RUNX3: variants seen among roughly 807,000 people sequenced by gnomAD.
The protein encoded by RUNX3 is RUNX family transcription factor 3, also known as runt-related transcription factor 3.
RUNX3 carries 10 observed loss-of-function variants against 27.7 expected under a neutral mutation model. The observed-to-expected ratio is 0.36, with a 90% CI of 0.22 to 0.61. RUNX3 has a LOEUF of 0.61. Among genes scored for constraint, RUNX3 ranks in the 20% least tolerant of loss-of-function variants. The pLI is 0.72. For missense variants in RUNX3, 469 were observed against 629.5 expected (o/e 0.75, Z 2.73); for synonymous variants, 270 against 269.2 (o/e 1.00, Z -0.03).
At chr1:24,960,867 T>C (rs1412391835) in intron 2 of RUNX3, among the ~76,000 whole-genome samples, 2 of 152,138 alleles carry the variant, frequency 1.3e-5, no homozygotes, top group Non-Finnish European at 2.9e-5. Context: ...TCACAGCTCT[T>C]AGGTCTCAGC....
At chr1:24,945,066 G>C (rs1349421397) in intron 2 of RUNX3, among the ~76,000 whole-genome samples, 1 of 152,310 alleles carries the variant, frequency 6.6e-6, no homozygotes, top group African/African-American at 2.4e-5. Flanking sequence ...CTCACAGAAG[G>C]TCAGCTGCAG....
At chr1:24,912,201 C>T (rs539507461) in intron 3 of RUNX3, among the ~76,000 whole-genome samples, 75 of 152,358 alleles carry the variant, frequency 4.9e-4, no homozygotes, top group Non-Finnish European at 8.1e-4. Context: ...AGTCCTGCTA[C>T]GCCTCAGTTT....
upstream of RUNX3, among the ~76,000 whole-genome samples, chr1:24,932,488 C>T (rs554758638): frequency 1.5e-4 from 23 of 152,266 alleles, no homozygotes; most frequent in African/African-American, 4.8e-4. Context: ...GCTGCGGCCC[C>T]GGGTGCAGGC....
chr1:24,964,738 C>T, intron 1 of RUNX3: 1 of 1,451,844 alleles, frequency 6.9e-7, no homozygotes, highest in Non-Finnish European at 9.1e-7. Context: ...CTTTTTTCCC[C>T]CCTGCTGCTA....
intron 2 of RUNX3, among the ~76,000 whole-genome samples, chr1:24,920,002 T>C (rs1445321645): frequency 1.3e-5 from 2 of 152,202 alleles, no homozygotes; most frequent in Non-Finnish European, 2.9e-5. Flanking sequence ...CATCTTTTAT[T>C]TATCTACCTC....
chr1:24,952,490 A>G (rs1211158461), intron 2 of RUNX3, among the ~76,000 whole-genome samples: 1 of 152,254 alleles, frequency 6.6e-6, no homozygotes, highest in African/African-American at 2.4e-5. Flanking sequence ...GTTTGACCAC[A>G]GAGTTCCATT....
At chr1:24,949,662 G>A (rs1641708365) in intron 2 of RUNX3, among the ~76,000 whole-genome samples, 1 of 152,250 alleles carries the variant, frequency 6.6e-6, no homozygotes, top group Non-Finnish European at 1.5e-5. Context: ...CATTCCCCGT[G>A]ATGTGTGTGA....
At chr1:24,933,749 C>A (rs1641284856), upstream of RUNX3, among the ~76,000 whole-genome samples, 1 of 152,308 alleles carries the variant, frequency 6.6e-6, no homozygotes, top group South Asian at 2.1e-4. Flanking sequence ...GTGGGCAGAC[C>A]CTTTCCTGAG....
At chr1:24,947,809 G>A (rs1476103464) in intron 2 of RUNX3, among the ~76,000 whole-genome samples, 1 of 152,212 alleles carries the variant, frequency 6.6e-6, no homozygotes, top group Non-Finnish European at 1.5e-5. Flanking sequence ...AGCTGGCAGG[G>A]CCTGAGTGGC....
chr1:24,956,209 G>C (rs1641919507), intron 2 of RUNX3, among the ~76,000 whole-genome samples: 1 of 152,256 alleles, frequency 6.6e-6, no homozygotes, highest in Non-Finnish European at 1.5e-5. Flanking sequence ...TCCCAGGCTG[G>C]AGCTCAGGCT....
intron 2 of RUNX3, among the ~76,000 whole-genome samples, chr1:24,945,974 G>A (rs1641596243): frequency 6.6e-6 from 1 of 152,158 alleles, no homozygotes; most frequent in Non-Finnish European, 1.5e-5. Flanking sequence ...ACGGAGATGG[G>A]CCCCTTTCAG....
chr1:24,924,093 G>A (rs1051702345), intron 2 of RUNX3, among the ~76,000 whole-genome samples: 2 of 152,170 alleles, frequency 1.3e-5, no homozygotes, highest in African/African-American at 2.4e-5. Flanking sequence ...CTGGCTGGTC[G>A]CAGTGGCTCA....
chr1:24,942,508 T>C (rs1571341663), intron 2 of RUNX3, among the ~76,000 whole-genome samples: 1 of 151,648 alleles, frequency 6.6e-6, no homozygotes. Flanking sequence ...TTAGACAGGG[T>C]GGTCAGGGAA....
intron 2 of RUNX3, among the ~76,000 whole-genome samples, chr1:24,953,043 T>C (rs1312732791): frequency 6.6e-6 from 1 of 152,010 alleles, no homozygotes; most frequent in African/African-American, 2.4e-5. Context: ...GCTTGTTATG[T>C]ATAAAACTTT....
intron 3 of RUNX3, 41 bp downstream of exon 3, chr1:24,919,199 C>T (rs953786684): frequency 1.5e-6 from 2 of 1,308,314 alleles, no homozygotes; most frequent in East Asian, 2.4e-5. Flanking sequence ...ACTGGACCCT[C>T]CTCCCCCGCG....
At position 24,929,991 on chromosome 1, in the gene RUNX3, C is replaced by A; in HGVS notation, c.-123G>T. On this transcript the variant is annotated 5_prime_UTR_variant, in exon 1 of 5. Transcript: ENST00000308873. ...GCGGGAAAGCAGAAGCGGCGGGGCC[C>A]GGGCCTCAGGGCGCAGGGGGCGGCG... The A allele has an allele frequency of 8.6e-7, 1 of 1,162,914 alleles. No homozygotes were observed. Among genetic ancestry groups the A allele is most frequent in the Non-Finnish European group, 1.1e-6 (1 of 945,388 alleles). 72.0% of individuals were successfully genotyped at this position (1,162,914 alleles called of 1,614,324 possible). A position where few individuals can be genotyped will look rare whatever the true frequency, so the allele number is the denominator to read the frequency against.
At position 24,907,411 on chromosome 1, in the gene RUNX3, C is replaced by T. The variant is rs767867664; in HGVS notation, c.551G>A (p.Arg184Gln). The T allele has an allele frequency of 1.2e-6, 2 of 1,612,812 alleles. No individual in the cohort carries two copies. The highest frequency in any genetic ancestry group is 8.5e-7 in the Non-Finnish European group (1 of 1,179,460). Reference protein sequence around the residue: ...VDGPREPRRHRQKLEDQTKPF... With the variant: ...VDGPREPRRHQQKLEDQTKPF... ...CTTGGTCTGGTCCTCCAGCTTCTGC[C>T]GGTGCCCTGCAGAGCACAGGAAGCC... Residue 184 changes from arginine (R) to glutamine (Q), a missense_variant, in exon 4 of 5, where the codon CGG becomes CAG. This residue lies in a region of RUNX3 where 75 missense variants were observed against 168.5 expected (regional missense o/e 0.45). Transcript: ENST00000308873.
chr1:24,964,504 T>C (rs1289633612), intron 2 of RUNX3: 1 of 1,605,530 alleles, frequency 6.2e-7, no homozygotes, highest in Non-Finnish European at 8.5e-7. Context: ...CCTGGGCTAT[T>C]GTTACTCACC....
chr1:24,933,934 C>T (rs904745327), upstream of RUNX3, among the ~76,000 whole-genome samples: 1 of 152,184 alleles, frequency 6.6e-6, no homozygotes, highest in Non-Finnish European at 1.5e-5. Context: ...CAGAGGGACC[C>T]GTGGTGAAAC....
Sources: allele counts gnomAD v4.1 joint callset (sites outside exome capture counted in the v4.1 genomes callset), GRCh38; gene constraint gnomAD v4.1.1; regional missense constraint gnomAD v4.1.1; transcripts MANE v1.5; gene names NCBI Gene and HGNC (gene_info 2026-07-23, HGNC 2026-07-21).